Variants in VAV1 observed in about 807,000 individuals in gnomAD.
VAV1 encodes vav guanine nucleotide exchange factor 1.
In VAV1, 33 loss-of-function variants were observed where a neutral mutation model predicts 128.1. The ratio of observed to expected loss-of-function variants is 0.26; its 90% CI spans 0.20 to 0.34. The LOEUF is 0.34. Ranked by LOEUF, VAV1 falls within the 10% of genes least tolerant of loss-of-function variation. VAV1 has a pLI of 1.00. For missense variants in VAV1, 715 were observed against 1,093.7 expected (o/e 0.65, Z 4.88); for synonymous variants, 394 against 409.8 (o/e 0.96, Z 0.47).
chr19:6,830,019 A>C, intron 14 of VAV1, 101 bp downstream of exon 14: 1 of 1,562,048 alleles, frequency 6.4e-7, no homozygotes, highest in Non-Finnish European at 8.7e-7. Context: ...ATCTACATGG[A>C]AGTGTGTGTT....
intron 1 of VAV1, among the ~76,000 whole-genome samples, chr19:6,804,777 G>A (rs566836432): frequency 6.7e-6 from 1 of 148,436 alleles, no homozygotes; most frequent in East Asian, 2.0e-4. Context: ...AGGCTGGAGT[G>A]CAGTGGCGCA....
At chr19:6,796,735 C>T (rs995033264) in intron 1 of VAV1, among the ~76,000 whole-genome samples, 3 of 152,164 alleles carry the variant, frequency 2.0e-5, no homozygotes, top group Non-Finnish European at 4.4e-5. Flanking sequence ...CCCCTCCTGA[C>T]ATTCTCCATT....
intron 6 of VAV1, among the ~76,000 whole-genome samples, chr19:6,824,321 G>C (rs149015516): frequency 1.3e-5 from 2 of 151,624 alleles, no homozygotes; most frequent in African/African-American, 4.8e-5. Context: ...ATCTTCCCCC[G>C]GTCCATGGCA....
Position 6,850,706 on chromosome 19 carries a change from A to G in VAV1, c.2166A>G (p.Thr722=). The G allele has an allele frequency of 3.7e-6, 6 of 1,614,048 alleles. No homozygotes were observed. The highest frequency in any genetic ancestry group is 5.1e-6 in the Non-Finnish European group (6 of 1,180,002). The change falls in exon 24 of 27, where the codon ACA becomes ACG. Residue 722 remains threonine, a synonymous_variant. Coordinates refer to ENST00000602142, the MANE Select transcript of VAV1 (RefSeq NM_005428.4). The part of the protein sequence containing the change: ...NVEVKHIKIM[T]AEGLYRITEK... ...AGGTCAAGCACATTAAAATCATGAC[A>G]GCAGAAGGACTGTACCGGATCACAG...
intron 1 of VAV1, among the ~76,000 whole-genome samples, chr19:6,795,632 C>G (rs1256742375): frequency 6.6e-6 from 1 of 152,052 alleles, no homozygotes; most frequent in Non-Finnish European, 1.5e-5. Context: ...CACGTCTTAG[C>G]TCTACTGGTC....
At chr19:6,817,812 G>A (rs149735573) in intron 1 of VAV1, among the ~76,000 whole-genome samples, 7 of 151,850 alleles carry the variant, frequency 4.6e-5, no homozygotes, top group African/African-American at 1.2e-4. Context: ...TCAGCCTCCC[G>A]AGTAGCTGGG....
chr19:6,787,334 C>G (rs574244741), intron 1 of VAV1, among the ~76,000 whole-genome samples: 1 of 152,138 alleles, frequency 6.6e-6, no homozygotes, highest in Non-Finnish European at 1.5e-5. Context: ...CACCACAATG[C>G]CAGGCTAATT....
chr19:6,843,528 G>A (rs1972433023), intron 22 of VAV1, among the ~76,000 whole-genome samples: 1 of 152,112 alleles, frequency 6.6e-6, no homozygotes, highest in South Asian at 2.1e-4. Flanking sequence ...AGCATATAGG[G>A]GTGGAGGTTT....
chr19:6,848,506 G>A (rs572421652), intron 23 of VAV1, among the ~76,000 whole-genome samples: 19 of 148,120 alleles, frequency 1.3e-4, no homozygotes, highest in Non-Finnish European at 1.9e-4. Context: ...AGGTTCAAGC[G>A]ATTCTCCTGC....
At chr19:6,834,771 A>C (rs1028088234) in intron 19 of VAV1, among the ~76,000 whole-genome samples, 3 of 149,694 alleles carry the variant, frequency 2.0e-5, no homozygotes, top group Non-Finnish European at 4.4e-5. Context: ...TGGAGTGCAG[A>C]GGCAGGAGTG....
intron 1 of VAV1, among the ~76,000 whole-genome samples, chr19:6,779,626 C>T (rs910407883): frequency 2.0e-5 from 3 of 149,836 alleles, no homozygotes; most frequent in Non-Finnish European, 3.0e-5. Context: ...TTTGGGAGGC[C>T]GAGGCGGGAG....
chr19:6,823,821 C>T (rs1467414746), intron 6 of VAV1, among the ~76,000 whole-genome samples: 1 of 152,186 alleles, frequency 6.6e-6, no homozygotes, highest in Non-Finnish European at 1.5e-5. Context: ...GTAATCCACC[C>T]ATTTAGAATA....
intron 1 of VAV1, among the ~76,000 whole-genome samples, chr19:6,802,196 C>G (rs1282420182): frequency 3.3e-5 from 5 of 150,074 alleles, no homozygotes; most frequent in South Asian, 2.1e-4. Context: ...GTTGTGGGGT[C>G]GGGGAAGTGG....
intron 13 of VAV1, 143 bp from the exon 14 acceptor site, chr19:6,829,643 T>C: frequency 8.1e-7 from 1 of 1,233,022 alleles, no homozygotes; most frequent in Non-Finnish European, 1.1e-6. Flanking sequence ...GTGGGTGAAG[T>C]CAGGATGGAC....
rs1972420061 is a variant in VAV1, at chr19:6,843,123, C to T, written c.1981-12C>T. 1 of 1,614,088 alleles carries T rather than the reference C, an allele frequency of 6.2e-7. No homozygotes were observed. The highest frequency in any genetic ancestry group is 8.5e-7 in the Non-Finnish European group (1 of 1,180,006). ...CTTTACACTAAGTTGGGGTCTCTCT[C>T]TGTATTCTTAGGGCCCTCCTCAGGA... On this transcript the variant is annotated splice_polypyrimidine_tract_variant and intron_variant, in intron 21 of 26. Transcript: ENST00000602142.
intron 1 of VAV1, among the ~76,000 whole-genome samples, chr19:6,775,603 C>T (rs904219666): frequency 6.6e-6 from 1 of 152,186 alleles, no homozygotes; most frequent in Admixed American, 6.5e-5. Context: ...CATCGGTGTA[C>T]CCAGACCCTT....
At chr19:6,833,850 G>A (rs967144567) in intron 18 of VAV1, 58 bp from the exon 19 acceptor site, 9 of 1,613,878 alleles carry the variant, frequency 5.6e-6, no homozygotes, top group South Asian at 2.2e-5. Flanking sequence ...GAGTAAGGGG[G>A]CCTACAAGCC....
chr19:6,831,855 T>C (rs1215453721), intron 14 of VAV1, among the ~76,000 whole-genome samples: 4 of 85,684 alleles, frequency 4.7e-5, no homozygotes, highest in Non-Finnish European at 7.4e-5. Flanking sequence ...CAAAGGGGAG[T>C]GTGTGTGTGT....
At chr19:6,811,358 G>A (rs572282690) in intron 1 of VAV1, among the ~76,000 whole-genome samples, 18 of 152,234 alleles carry the variant, frequency 1.2e-4, no homozygotes, top group African/African-American at 4.1e-4. Flanking sequence ...TCAATAAATT[G>A]TATTGGGCAC....
Sources: allele counts gnomAD v4.1 joint callset (sites outside exome capture counted in the v4.1 genomes callset), GRCh38; gene constraint gnomAD v4.1.1; transcripts MANE v1.5; gene names NCBI Gene and HGNC (gene_info 2026-07-23, HGNC 2026-07-21).